PLXDC1: variants seen among roughly 807,000 people sequenced by gnomAD.
PLXDC1 encodes the protein plexin domain containing 1.
Under a neutral mutation model 61.3 loss-of-function variants are expected in PLXDC1, and 39 were observed. The ratio of observed to expected loss-of-function variants is 0.64; its 90% confidence interval spans 0.49 to 0.83. The LOEUF (loss-of-function observed/expected upper bound fraction) is 0.83. Among genes scored for constraint, PLXDC1 ranks in the 40% least tolerant of loss-of-function variants. The pLI is 0.00. For missense variants in PLXDC1, 596 were observed against 666.5 expected, an observed-to-expected ratio of 0.89 and a Z score of 1.17; for synonymous variants, 212 against 254.5, an observed-to-expected ratio of 0.83 and a Z score of 1.59.
At chr17:39,074,301 C>G (rs1324277949) in intron 11 of PLXDC1, among the ~76,000 whole-genome samples, 1 of 152,146 alleles carries the variant, frequency 6.6e-6, no homozygotes, top group African/African-American at 2.4e-5. Flanking sequence ...CCCAGGAGTT[C>G]AAGTCCAGCC....
At chr17:39,145,818 G>A (rs1383367908) in intron 1 of PLXDC1, among the ~76,000 whole-genome samples, 1 of 152,050 alleles carries the variant, frequency 6.6e-6, no homozygotes, top group African/African-American at 2.4e-5. Context: ...CTACAACATT[G>A]GACAAATTAC....
intron 2 of PLXDC1, among the ~76,000 whole-genome samples, chr17:39,115,028 C>T (rs1910923591): frequency 6.6e-6 from 1 of 152,256 alleles, no homozygotes; most frequent in African/African-American, 2.4e-5. Flanking sequence ...ATGCATCTTC[C>T]TGGCCCGTTG....
At chr17:39,133,000 G>T (rs925691335) in intron 2 of PLXDC1, among the ~76,000 whole-genome samples, 4 of 151,996 alleles carry the variant, frequency 2.6e-5, no homozygotes, top group Non-Finnish European at 4.4e-5. Flanking sequence ...AATCAAACTT[G>T]CTGAAACAGC....
intron 7 of PLXDC1, among the ~76,000 whole-genome samples, chr17:39,099,865 A>G (rs913999731): frequency 3.3e-5 from 5 of 152,180 alleles, no homozygotes; most frequent in Non-Finnish European, 2.9e-5. Context: ...GAGAGCCTCT[A>G]CGGTGGCTGC....
rs567646590 is a variant in PLXDC1, at chr17:39,102,037, C to T, written c.811+3817G>A. ...AATTTCTGAAGAGGGGAAAGAACTC[C>T]TGGCCTGTTGGGAATTAACCAGGCC... is the stretch of plus-strand genomic sequence containing the variant. On this transcript the variant is annotated intron_variant, in intron 7 of 13. Transcript: ENST00000315392. 3.4e-3 allele frequency among the ~76,000 whole-genome samples: 514 copies of T among 152,316 alleles called. 3 individuals are homozygous for T. The highest frequency in any genetic ancestry group is 5.7e-3 in the Non-Finnish European group (386 of 68,030).
chr17:39,084,491 G>A (rs188004334), intron 8 of PLXDC1, among the ~76,000 whole-genome samples: 1 of 152,334 alleles, frequency 6.6e-6, no homozygotes, highest in Admixed American at 6.5e-5. Flanking sequence ...TGCTCTGGTT[G>A]CCCCCAGTGC....
intron 2 of PLXDC1, among the ~76,000 whole-genome samples, chr17:39,126,616 C>A (rs756273470): frequency 6.6e-6 from 1 of 152,122 alleles, no homozygotes; most frequent in Non-Finnish European, 1.5e-5. Flanking sequence ...TGGAACCTAT[C>A]CCAGCGGCTC....
At chr17:39,127,622 T>C (rs1025353440) in intron 2 of PLXDC1, among the ~76,000 whole-genome samples, 1 of 151,834 alleles carries the variant, frequency 6.6e-6, no homozygotes, top group Non-Finnish European at 1.5e-5. Flanking sequence ...TAGATATTCC[T>C]CCAAAGAAGA....
intron 1 of PLXDC1, among the ~76,000 whole-genome samples, chr17:39,141,691 T>A (rs1911938964): frequency 6.6e-6 from 1 of 152,252 alleles, no homozygotes; most frequent in South Asian, 2.1e-4. Flanking sequence ...ATTCTATTTC[T>A]AATTTTTTGA....
intron 2 of PLXDC1, among the ~76,000 whole-genome samples, chr17:39,114,719 A>C (rs1910912361): frequency 6.6e-6 from 1 of 152,216 alleles, no homozygotes; most frequent in Non-Finnish European, 1.5e-5. Context: ...ACAAAGCAGG[A>C]CAGCTGCAGA....
chr17:39,071,072 C>G (rs938350109), intron 12 of PLXDC1, among the ~76,000 whole-genome samples: 5 of 152,340 alleles, frequency 3.3e-5, no homozygotes, highest in Middle Eastern at 3.4e-3. Context: ...AATAAGCCAA[C>G]AGTCACCCTC....
At chr17:39,100,536 T>G (rs1318210346) in intron 7 of PLXDC1, among the ~76,000 whole-genome samples, 1 of 152,180 alleles carries the variant, frequency 6.6e-6, no homozygotes, top group Non-Finnish European at 1.5e-5. Context: ...ATTATGGGCG[T>G]GAGCCACCGT....
chr17:39,076,076 TG>T (rs1567753638), intron 11 of PLXDC1, among the ~76,000 whole-genome samples: 4 of 86,730 alleles, frequency 4.6e-5, no homozygotes, highest in Non-Finnish European at 9.2e-5. Flanking sequence ...GGACTAAGTC[TG>T]AAAAAAAAAA....
Position 39,107,328 on chromosome 17 carries a change from A to C in PLXDC1, c.711+79T>G, listed in dbSNP as rs567331175. The C allele has an allele frequency of 3.8e-5, 32 of 849,060 alleles. No homozygotes were observed. The South Asian group carries it at 5.0e-4, about 13-fold the overall frequency. The allele number at this position is 849,060 out of a possible 1,614,324, so 52.6% of individuals were successfully genotyped here. On this transcript the variant is annotated intron_variant, in intron 6 of 13. Coordinates refer to ENST00000315392, the MANE Select transcript of PLXDC1 (RefSeq NM_020405.5). ...ACCAGCAGCAAGCCCCATGCCTGGC[A>C]CATTGCAAATTCTCTAAATATTTGC...
At chr17:39,102,097 C>G (rs1298179138) in intron 7 of PLXDC1, among the ~76,000 whole-genome samples, 1 of 152,182 alleles carries the variant, frequency 6.6e-6, no homozygotes, top group Non-Finnish European at 1.5e-5. Context: ...GAGTGCCACC[C>G]ACCCCACCCA....
chr17:39,102,272 T>C (rs1473393395), intron 7 of PLXDC1, among the ~76,000 whole-genome samples: 2 of 152,030 alleles, frequency 1.3e-5, no homozygotes, highest in Non-Finnish European at 2.9e-5. Context: ...AGGCAACTCA[T>C]TAGATGGTGA....
intron 9 of PLXDC1, chr17:39,079,785 C>T (rs1909484690): frequency 2.9e-6 from 1 of 345,372 alleles, no homozygotes; most frequent in Admixed American, 3.9e-5. Flanking sequence ...ACTTTTCGTT[C>T]TTTACTCTTT....
chr17:39,137,815 C>T (rs543427046), intron 2 of PLXDC1, among the ~76,000 whole-genome samples: 1 of 150,988 alleles, frequency 6.6e-6, no homozygotes, highest in Non-Finnish European at 1.5e-5. Flanking sequence ...AAAGGGAGGC[C>T]CCAGGATGGC....
At position 39,151,255 on chromosome 17, in the gene PLXDC1, C is replaced by T. The variant is rs1252046299; in HGVS notation, c.76+107G>A. 1.6e-5 allele frequency: 13 copies of T among 825,264 alleles called. No individual in the cohort carries two copies. Among genetic ancestry groups the T allele is most frequent in the Non-Finnish European group, 1.8e-5 (11 of 614,900 alleles). The allele number at this position is 825,264 out of a possible 1,614,324, so 51.1% of individuals were successfully genotyped here. On this transcript the variant is annotated intron_variant, in intron 1 of 13. Transcript: ENST00000315392. The surrounding 1 kb of genome is among the most constrained non-coding windows in gnomAD (Gnocchi z 5.2). ...CTCTCCTGGCCTCCTGCGGACAATG[C>T]CCCCCTCGCGGACATCGCCAGGCCG...
Sources: allele counts gnomAD v4.1 joint callset (sites outside exome capture counted in the v4.1 genomes callset), GRCh38; gene constraint gnomAD v4.1.1; non-coding constraint Gnocchi (gnomAD v3.1); transcripts MANE v1.5; gene names NCBI Gene and HGNC (gene_info 2026-07-23, HGNC 2026-07-21).